SEL1L2: variants seen among roughly 807,000 people sequenced by gnomAD.
The protein encoded by SEL1L2 is protein sel-1 homolog 2.
In SEL1L2, 89 loss-of-function variants were observed where a neutral mutation model predicts 98.8. That is an observed-to-expected ratio of 0.90 (90% CI 0.76 to 1.07). SEL1L2 has a LOEUF of 1.07. Ranked by LOEUF, SEL1L2 falls within the 50% of genes least tolerant of loss-of-function variation. The pLI, the probability that SEL1L2 is intolerant of heterozygous loss-of-function variation, is 0.00. For synonymous variants in SEL1L2, 262 were observed against 278.5 expected (o/e 0.94, Z 0.59); for missense variants, 788 against 812.0 (o/e 0.97, Z 0.36).
At chr20:13,893,844 A>G (rs925714977) in intron 5 of SEL1L2, among the ~76,000 whole-genome samples, 26 of 152,194 alleles carry the variant, frequency 1.7e-4, no homozygotes, top group Non-Finnish European at 3.5e-4. Flanking sequence ...TCCAAACCCA[A>G]TGGAATGAAA....
At chr20:13,967,420 A>C (rs1438626251) in intron 1 of SEL1L2, among the ~76,000 whole-genome samples, 1 of 152,178 alleles carries the variant, frequency 6.6e-6, no homozygotes, top group Admixed American at 6.6e-5. Context: ...AAACAGATTT[A>C]GTAATTCAAG....
At chr20:13,958,388 A>G (rs1258875020) in intron 1 of SEL1L2, among the ~76,000 whole-genome samples, 2 of 152,166 alleles carry the variant, frequency 1.3e-5, no homozygotes, top group African/African-American at 4.8e-5. Context: ...GGAATACGCT[A>G]CTTAAATAAA....
intron 1 of SEL1L2, among the ~76,000 whole-genome samples, chr20:13,962,498 TG>T (rs1361594826): frequency 6.6e-6 from 1 of 152,150 alleles, no homozygotes; most frequent in Non-Finnish European, 1.5e-5. Flanking sequence ...TGCATGAAAC[TG>T]CATGAGAGTG....
chr20:13,994,164 C>A (rs565699808), upstream of SEL1L2, among the ~76,000 whole-genome samples: 4 of 151,838 alleles, frequency 2.6e-5, no homozygotes, highest in African/African-American at 9.7e-5. Context: ...GGCATGGTGG[C>A]GCATGCCTGT....
rs764269533 is a variant in SEL1L2 at position 13,919,073 on chromosome 20, T to C, written c.334A>G (p.Lys112Glu). The C allele has an allele frequency of 1.2e-6, 2 of 1,613,724 alleles. No homozygotes were observed. Among genetic ancestry groups the C allele is most frequent in the African/African-American group, 1.3e-5 (1 of 74,902 alleles). Residue 112 changes from lysine to glutamate, a missense_variant, in exon 4 of 20, where the codon AAG becomes GAG. Transcript: ENST00000284951. The part of the protein sequence containing the change: ...NFTDEGDQLF[K>E]MGIKVLQQSK... ...TGCTGGAGAACCTTGATGCCCATCT[T>C]AAATAGCTGGTCTCCTTCATCTGTA...
chr20:13,974,000 G>A (rs2051405894), intron 1 of SEL1L2, among the ~76,000 whole-genome samples: 1 of 152,206 alleles, frequency 6.6e-6, no homozygotes, highest in Non-Finnish European at 1.5e-5. Context: ...TATTTTAAGA[G>A]TATAGCATTT....
chr20:13,936,940 T>C (rs2049482353), intron 2 of SEL1L2, among the ~76,000 whole-genome samples: 1 of 152,210 alleles, frequency 6.6e-6, no homozygotes, highest in South Asian at 2.1e-4. Flanking sequence ...GTACAAAATC[T>C]AAGATTCCTC....
intron 2 of SEL1L2, among the ~76,000 whole-genome samples, chr20:13,939,914 G>A (rs1301895758): frequency 1.3e-5 from 2 of 152,078 alleles, no homozygotes; most frequent in African/African-American, 2.4e-5. Context: ...TGATCCACCT[G>A]CCTCGGCCTC....
intron 4 of SEL1L2, among the ~76,000 whole-genome samples, chr20:13,916,000 G>A (rs2048385675): frequency 6.6e-6 from 1 of 152,112 alleles, no homozygotes; most frequent in Non-Finnish European, 1.5e-5. Context: ...TTTGCTGATG[G>A]GGAGTGATTC....
chr20:13,908,261 G>C (rs1200009060), intron 5 of SEL1L2, among the ~76,000 whole-genome samples: 1 of 151,692 alleles, frequency 6.6e-6, no homozygotes, highest in Non-Finnish European at 1.5e-5. Flanking sequence ...GGACCAACAG[G>C]CATGCACCAT....
chr20:13,880,298 G>A (rs2046634782), intron 10 of SEL1L2, among the ~76,000 whole-genome samples: 1 of 152,176 alleles, frequency 6.6e-6, no homozygotes, highest in African/African-American at 2.4e-5. Flanking sequence ...TTAAAAGAAA[G>A]TAACTTGTTC....
chr20:13,876,406 CTTT>C lies in SEL1L2; in HGVS notation c.1027-294_1027-292del, dbSNP rs11087067. On this transcript the variant is annotated intron_variant, in intron 11 of 19. Coordinates refer to ENST00000284951, the MANE Select transcript of SEL1L2 (RefSeq NM_025229.2). ...GTTTGTGTTTTCTCTCTCTCTCTCT[CTTT>C]TTTTTTTTTTTTTTTTTGCATCTAC... Among the ~76,000 whole-genome samples the C allele has an allele frequency of 1.6e-3, 161 of 101,918 alleles. No homozygotes were observed. The Middle Eastern group carries it at 0.021, about 13-fold the overall frequency. 66.9% of individuals were successfully genotyped at this position (101,918 alleles called of 152,430 possible).
intron 18 of SEL1L2, among the ~76,000 whole-genome samples, chr20:13,852,865 A>T (rs1988502414): frequency 6.6e-6 from 1 of 152,184 alleles, no homozygotes; most frequent in African/African-American, 2.4e-5. Context: ...CATAAAAAAA[A>T]TTTCTTATAC....
intron 19 of SEL1L2, 132 bp from the exon 20 acceptor site, chr20:13,849,736 G>A (rs2073291): frequency 0.53 from 562,990 of 1,063,580 alleles, 151,364 homozygotes; most frequent in East Asian, 0.62. Context: ...AGTCTTGGAA[G>A]ACACAATCTT....
intron 8 of SEL1L2, among the ~76,000 whole-genome samples, chr20:13,886,692 T>C (rs568462195): frequency 6.6e-6 from 1 of 152,050 alleles, no homozygotes; most frequent in South Asian, 2.1e-4. Context: ...GTTTGAGACC[T>C]GCCTGGCCAA....
chr20:13,907,746 CTTTTCT>C (rs1240330791), intron 5 of SEL1L2, among the ~76,000 whole-genome samples: 1 of 83,420 alleles, frequency 1.2e-5, no homozygotes, highest in Non-Finnish European at 2.6e-5. Flanking sequence ...TTCTTTCTTT[CTTTTCT>C]TTTCTTTTCT....
At chr20:13,932,839 G>A (rs780590316) in intron 2 of SEL1L2, among the ~76,000 whole-genome samples, 2 of 151,922 alleles carry the variant, frequency 1.3e-5, no homozygotes, top group Non-Finnish European at 1.5e-5. Flanking sequence ...TAAATCCTTT[G>A]AGGTGGTAGC....
chr20:13,950,716 AG>A (rs773095088), intron 2 of SEL1L2, among the ~76,000 whole-genome samples: 10 of 152,230 alleles, frequency 6.6e-5, no homozygotes, highest in East Asian at 3.8e-4. Flanking sequence ...CAATGTAGAC[AG>A]GAGCTCTCTG....
chr20:13,857,417 G>C (rs1410874718), intron 18 of SEL1L2, among the ~76,000 whole-genome samples: 1 of 152,194 alleles, frequency 6.6e-6, no homozygotes, highest in East Asian at 1.9e-4. Flanking sequence ...AAGTGCTTAG[G>C]AAACAGATCA....
Sources: gnomAD v4.1 joint callset for allele counts (sites outside exome capture counted in the v4.1 genomes callset) on GRCh38, gnomAD v4.1.1 for gene constraint, MANE v1.5 for transcripts, NCBI Gene and HGNC (gene_info 2026-07-23, HGNC 2026-07-21) for gene names.